DPF2: variants seen among roughly 807,000 people sequenced by gnomAD.
The protein encoded by DPF2 is zinc finger protein ubi-d4.
A neutral mutation model predicts 59.6 loss-of-function variants in DPF2; 10 were observed. That is an observed-to-expected ratio of 0.17 (90% confidence interval 0.10 to 0.28). The LOEUF is 0.28. Among genes scored for constraint, DPF2 ranks in the 10% least tolerant of loss-of-function variants. The probability of loss-of-function intolerance (pLI) is 1.00; values close to 1 mark genes in which losing one functional copy is unlikely to be tolerated. For missense variants in DPF2, 315 were observed against 509.4 expected (o/e 0.62, Z 3.67); for synonymous variants, 189 against 190.6 (o/e 0.99, Z 0.07).
At chr11:65,346,457 C>G in intron 9 of DPF2, 98 bp downstream of exon 9, 1 of 1,094,560 alleles carries the variant, frequency 9.1e-7, no homozygotes, top group East Asian at 2.6e-5. Context: ...AAAAAGGGAG[C>G]AGGATCCCTC....
At position 65,353,707 on chromosome 11, in the gene DPF2, A is replaced by G. The variant is rs1295340237; in HGVS notation, c.*1948A>G. Among the ~76,000 whole-genome samples, 2 of 152,200 alleles carry G rather than the reference A, an allele frequency of 1.3e-5. No individual in the cohort carries two copies. The highest frequency in any genetic ancestry group is 3.8e-4 in the East Asian group (2 of 5,204). On this transcript the variant is annotated 3_prime_UTR_variant, in exon 11 of 11. Transcript: ENST00000528416. The stretch of plus-strand genomic sequence containing the variant: ...AATCAAGCAGTTATGGGCCCCCTGA[A>G]GTATCCTTTTTTCTAGAACATTCTG...
intron 6 of DPF2, 33 bp downstream of exon 6, chr11:65,344,102 G>T (rs1420329103): frequency 4.4e-6 from 7 of 1,606,364 alleles, no homozygotes; most frequent in African/African-American, 4.0e-5. Flanking sequence ...GGTAGACCTT[G>T]CCTTGGACCC....
At chr11:65,344,405 TC>T in intron 6 of DPF2, 1 of 661,158 alleles carries the variant, frequency 1.5e-6, no homozygotes, top group East Asian at 2.7e-5. Context: ...ACTGAGTTTT[TC>T]AACGTCTGTT....
At chr11:65,344,715 C>CTTTAA (rs1854477870) in intron 6 of DPF2, 1 of 1,370,200 alleles carries the variant, frequency 7.3e-7, no homozygotes, top group Admixed American at 2.1e-5. Context: ...GGGATGCTAG[C>CTTTAA]TTTAAAATCT....
intron 6 of DPF2, chr11:65,345,305 A>G (rs915048337): frequency 4.2e-5 from 9 of 216,542 alleles, no homozygotes; most frequent in African/African-American, 1.1e-4. Context: ...TGCCACCCCA[A>G]AGATATAGGA....
chr11:65,339,087 GAAAT>G (rs1309638871), intron 1 of DPF2, among the ~76,000 whole-genome samples: 4 of 152,094 alleles, frequency 2.6e-5, no homozygotes, highest in Non-Finnish European at 1.5e-5. Flanking sequence ...GATACTATGA[GAAAT>G]AAATCAATTC....
At position 65,341,602 on chromosome 11, in the gene DPF2, A is replaced by C. The variant is rs767499245; in HGVS notation, c.465+40A>C. The stretch of plus-strand genomic sequence containing the variant: ...CTGTGGCTAAGGGAGCTTTGATGGA[A>C]ATCAGCCTCCTCTTCACTGGGGGCC... On this transcript the variant is annotated intron_variant, in intron 4 of 10. Coordinates refer to ENST00000528416, the MANE Select transcript of DPF2 (RefSeq NM_006268.5). The C allele has an allele frequency of 3.1e-6, 5 of 1,607,996 alleles. No individual in the cohort carries two copies. The South Asian group carries it at 5.5e-5, about 18-fold the overall frequency.
intron 1 of DPF2, among the ~76,000 whole-genome samples, chr11:65,334,806 G>A (rs1157939204): frequency 6.6e-6 from 1 of 152,134 alleles, no homozygotes; most frequent in African/African-American, 2.4e-5. Context: ...TCTTTTAATG[G>A]GTATGTTGGG....
At position 65,341,467 on chromosome 11, in the gene DPF2, C is replaced by T. The variant is rs1023937525; in HGVS notation, c.370C>T (p.Arg124Cys). The change falls in exon 4 of 11, where the codon CGC becomes TGC. Residue 124 changes from arginine (R) to cysteine (C), a missense_variant. Coordinates refer to ENST00000528416, the MANE Select transcript of DPF2 (RefSeq NM_006268.5). The stretch of plus-strand genomic sequence containing the variant: ...TGGCAGTAGTTTAGAGGCTCTGTTG[C>T]GCACTGACCCCCTGGAGAAGCGAGG... ...QDGSSLEALL[R>C]TDPLEKRGAP... The T allele has an allele frequency of 4.3e-6, 7 of 1,614,092 alleles. No homozygotes were observed. Among genetic ancestry groups the T allele is most frequent in the Middle Eastern group, 1.6e-4 (1 of 6,080 alleles).
At chr11:65,350,965 C>T (rs1259267205) in intron 10 of DPF2, among the ~76,000 whole-genome samples, 3 of 147,518 alleles carry the variant, frequency 2.0e-5, no homozygotes, top group Admixed American at 6.8e-5. Context: ...AGCAACAGAG[C>T]GGAAACTCTT....
intron 1 of DPF2, among the ~76,000 whole-genome samples, chr11:65,334,807 G>T (rs554300009): frequency 6.6e-6 from 1 of 152,276 alleles, no homozygotes; most frequent in African/African-American, 2.4e-5. Context: ...CTTTTAATGG[G>T]TATGTTGGGC....
In DPF2 at chr11:65,340,379, C is replaced by T. The variant is rs1399345204; in HGVS notation, c.33-6C>T. 6.2e-7 allele frequency: 1 copy of T among 1,613,708 alleles called. No homozygotes were observed. Among genetic ancestry groups the T allele is most frequent in the South Asian group, 1.1e-5 (1 of 91,066 alleles). ...CATACACGCCTGATTTCTATCTTCCCTGCAGCCTTGGGGAGCAGTACTACA... is the reference window on the plus strand; with the variant it reads ...CATACACGCCTGATTTCTATCTTCCTTGCAGCCTTGGGGAGCAGTACTACA... On this transcript the variant is annotated splice_polypyrimidine_tract_variant and splice_region_variant and intron_variant, in intron 1 of 10. Coordinates refer to ENST00000528416, the MANE Select transcript of DPF2 (RefSeq NM_006268.5).
At chr11:65,344,659 T>C (rs780324003) in intron 6 of DPF2, 1 of 1,531,004 alleles carries the variant, frequency 6.5e-7, no homozygotes, top group Non-Finnish European at 8.7e-7. Context: ...GGTTTTCCTT[T>C]CCCTTTTTCC....
chr11:65,346,482 C>T (rs972205640), intron 9 of DPF2, 123 bp downstream of exon 9: 1 of 780,068 alleles, frequency 1.3e-6, no homozygotes, highest in African/African-American at 1.7e-5. Context: ...ATGCCACACG[C>T]CCCTCCCTAG....
chr11:65,343,940 TCC>T, intron 5 of DPF2, 49 bp from the exon 6 acceptor site: 1 of 1,612,078 alleles, frequency 6.2e-7, no homozygotes, highest in Non-Finnish European at 8.5e-7. Flanking sequence ...AGAGTCTAAC[TCC>T]TCAGGCCCAG....
At chr11:65,347,889 C>G (rs1356512007) in intron 9 of DPF2, 9 of 152,130 alleles carry the variant, frequency 5.9e-5, no homozygotes, top group African/African-American at 1.9e-4. Flanking sequence ...CTCAGGTGAT[C>G]CACCTGCCTC....
Position 65,340,947 on chromosome 11 carries a change from ATCTT to A in DPF2, c.194-14_194-11del. ...AATACTGGGTTAGGGCCTGACTTCT[ATCTT>A]TCTTCCTGCCACAGGATTGGCCTCC... On this transcript the variant is annotated splice_polypyrimidine_tract_variant and intron_variant, in intron 2 of 10. Coordinates refer to ENST00000528416, the MANE Select transcript of DPF2 (RefSeq NM_006268.5). The A allele has an allele frequency of 6.2e-7, 1 of 1,612,980 alleles. No homozygotes were observed. Among genetic ancestry groups the A allele is most frequent in the East Asian group, 2.2e-5 (1 of 44,882 alleles).
At chr11:65,351,597 T>C in intron 10 of DPF2, 86 bp from the exon 11 acceptor site, 1 of 1,167,506 alleles carries the variant, frequency 8.6e-7, no homozygotes, top group Non-Finnish European at 1.3e-6. Context: ...GATCCTGCTA[T>C]AGAGATGGGG....
intron 4 of DPF2, among the ~76,000 whole-genome samples, chr11:65,343,240 G>A (rs577301325): frequency 3.4e-5 from 5 of 149,040 alleles, no homozygotes; most frequent in East Asian, 3.9e-4. Context: ...CGGAGGTTGC[G>A]GTAAGCCAGT....
Sources: gnomAD v4.1 joint callset for allele counts (sites outside exome capture counted in the v4.1 genomes callset) on GRCh38, gnomAD v4.1.1 for gene constraint, MANE v1.5 for transcripts, NCBI Gene and HGNC (gene_info 2026-07-23, HGNC 2026-07-21) for gene names.